Variants in KCTD8 observed in about 807,000 individuals in gnomAD.
KCTD8 encodes potassium channel tetramerization domain containing 8.
Under a neutral mutation model 31.5 loss-of-function variants are expected in KCTD8, and 27 were observed. That is an observed-to-expected ratio of 0.86 (90% CI 0.63 to 1.18). KCTD8 has a LOEUF of 1.18. Among genes scored for constraint, KCTD8 ranks in the 50% most tolerant of loss-of-function variants. The pLI is 0.00. For missense variants in KCTD8, 658 were observed against 647.7 expected, an observed-to-expected ratio of 1.02 and a Z score of -0.17; for synonymous variants, 290 against 280.0, an observed-to-expected ratio of 1.04 and a Z score of -0.36.
At chr4:44,447,344 T>C (rs184440006) in intron 1 of KCTD8, among the ~76,000 whole-genome samples, 1 of 152,336 alleles carries the variant, frequency 6.6e-6, no homozygotes, top group East Asian at 1.9e-4. Flanking sequence ...TGGGTGCTAC[T>C]GAGTTCTAGA....
chr4:44,414,270 G>A (rs749883600), intron 1 of KCTD8, among the ~76,000 whole-genome samples: 1 of 151,924 alleles, frequency 6.6e-6, no homozygotes, highest in African/African-American at 2.4e-5. Flanking sequence ...AGACCCTGAA[G>A]TATGCTGATT....
chr4:44,301,493 C>G (rs1046569936), intron 1 of KCTD8, among the ~76,000 whole-genome samples: 3 of 152,162 alleles, frequency 2.0e-5, no homozygotes, highest in East Asian at 1.9e-4. Flanking sequence ...TTTCATATGT[C>G]TTTTGGCTGC....
At chr4:44,321,330 T>C (rs948749610) in intron 1 of KCTD8, among the ~76,000 whole-genome samples, 2 of 152,210 alleles carry the variant, frequency 1.3e-5, no homozygotes, top group African/African-American at 2.4e-5. Flanking sequence ...GAATTTGCCA[T>C]GTTCCTCAAC....
At chr4:44,192,475 TACACACACACACACACACAC>T (rs34405384) in intron 1 of KCTD8, among the ~76,000 whole-genome samples, 1 of 137,088 alleles carries the variant, frequency 7.3e-6, no homozygotes, top group South Asian at 2.4e-4. Flanking sequence ...TAAGCAAAGA[TACACACACACACACACACAC>T]ACACACACAC....
intron 1 of KCTD8, among the ~76,000 whole-genome samples, chr4:44,205,108 T>C (rs1156992763): frequency 6.6e-6 from 1 of 151,980 alleles, no homozygotes; most frequent in Non-Finnish European, 1.5e-5. Flanking sequence ...TAAATATGTA[T>C]ACATGCAATG....
chr4:44,229,989 GC>G (rs1715076251), intron 1 of KCTD8, among the ~76,000 whole-genome samples: 3 of 151,736 alleles, frequency 2.0e-5, no homozygotes, highest in South Asian at 4.2e-4. Context: ...CCCCTGACAG[GC>G]CCTGGTGTGG....
At position 44,279,498 on chromosome 4, in the gene KCTD8, A is replaced by G. The variant is rs1186990226; in HGVS notation, c.962-104248T>C. On this transcript the variant is annotated intron_variant, in intron 1 of 1. Coordinates refer to ENST00000360029, the MANE Select transcript of KCTD8 (RefSeq NM_198353.3). ...TCAGCAGAGAGAAAGATGTGCTCTT[A>G]AGTGCTTATATGATTACACTGGGTC... Among the ~76,000 whole-genome samples the G allele has an allele frequency of 5.9e-5, 9 of 152,176 alleles. No individual in the cohort carries two copies. The East Asian group carries it at 1.7e-3, about 29-fold the overall frequency.
intron 1 of KCTD8, among the ~76,000 whole-genome samples, chr4:44,383,107 A>G (rs1401735211): frequency 6.6e-6 from 1 of 151,954 alleles, no homozygotes; most frequent in Admixed American, 6.6e-5. Flanking sequence ...GAATAGATTA[A>G]ACCAAGGAGA....
At chr4:44,347,733 G>T (rs370851670) in intron 1 of KCTD8, among the ~76,000 whole-genome samples, 15 of 152,054 alleles carry the variant, frequency 9.9e-5, no homozygotes, top group Non-Finnish European at 1.5e-4. Context: ...ATTAATAATA[G>T]AATTTTATAT....
At chr4:44,229,840 T>A (rs1047010767) in intron 1 of KCTD8, among the ~76,000 whole-genome samples, 12 of 150,872 alleles carry the variant, frequency 8.0e-5, no homozygotes, top group African/African-American at 2.7e-4. Context: ...TTCTTTTTTT[T>A]ATTATACTTT....
chr4:44,198,504 C>G (rs1436590223), intron 1 of KCTD8, among the ~76,000 whole-genome samples: 1 of 152,138 alleles, frequency 6.6e-6, no homozygotes, highest in Non-Finnish European at 1.5e-5. Flanking sequence ...GGCATATTTT[C>G]AGCATCCTCA....
intron 1 of KCTD8, among the ~76,000 whole-genome samples, chr4:44,329,942 T>C (rs1255905299): frequency 6.6e-6 from 1 of 151,954 alleles, no homozygotes; most frequent in East Asian, 1.9e-4. Context: ...TTCCATCTAC[T>C]GGAATTCACA....
chr4:44,331,312 C>A (rs1718585734), intron 1 of KCTD8, among the ~76,000 whole-genome samples: 1 of 151,796 alleles, frequency 6.6e-6, no homozygotes, highest in East Asian at 1.9e-4. Context: ...TAATCACAGG[C>A]AGGCATACCC....
chr4:44,309,915 C>T (rs1045598064), intron 1 of KCTD8, among the ~76,000 whole-genome samples: 1 of 152,130 alleles, frequency 6.6e-6, no homozygotes, highest in Non-Finnish European at 1.5e-5. Flanking sequence ...TATTTATGCT[C>T]ACAGTTGCCT....
At chr4:44,343,985 G>A (rs2636401) in intron 1 of KCTD8, among the ~76,000 whole-genome samples, 145,668 of 151,940 alleles carry the variant, frequency 0.96, 69,845 homozygotes, top group East Asian at 1. Context: ...CAGCCTCCCA[G>A]GTAGCGGGGA....
chr4:44,222,400 A>T (rs1214658917), intron 1 of KCTD8, among the ~76,000 whole-genome samples: 2 of 152,232 alleles, frequency 1.3e-5, no homozygotes, highest in African/African-American at 4.8e-5. Context: ...GTCTTTCATT[A>T]ACCCCAACCT....
chr4:44,273,456 A>T (rs1003998602), intron 1 of KCTD8, among the ~76,000 whole-genome samples: 4 of 151,956 alleles, frequency 2.6e-5, no homozygotes, highest in Non-Finnish European at 5.9e-5. Context: ...ATTTTTTATG[A>T]CTGAAAGACT....
chr4:44,360,810 T>TA, intron 1 of KCTD8, among the ~76,000 whole-genome samples: 1 of 152,114 alleles, frequency 6.6e-6, no homozygotes, highest in Non-Finnish European at 1.5e-5. Context: ...AAATATCTCT[T>TA]AAAAATGCAA....
intron 1 of KCTD8, among the ~76,000 whole-genome samples, chr4:44,185,985 T>G (rs573083288): frequency 1.3e-5 from 2 of 152,268 alleles, no homozygotes; most frequent in South Asian, 2.1e-4. Flanking sequence ...GGTCTCCACC[T>G]TCGGGCCTGT....
Sources: allele counts gnomAD v4.1 joint callset (sites outside exome capture counted in the v4.1 genomes callset), GRCh38; gene constraint gnomAD v4.1.1; transcripts MANE v1.5; gene names NCBI Gene and HGNC (gene_info 2026-07-23, HGNC 2026-07-21).